The following KRT9 variants were observed in gnomAD, a reference collection of about 807,000 sequenced individuals.
KRT9 encodes the protein keratin 9.
In KRT9, 34 loss-of-function variants were observed where a neutral mutation model predicts 51.4. The observed-to-expected ratio is 0.66, with a 90% CI of 0.50 to 0.88. KRT9 has a LOEUF of 0.88. Among genes scored for constraint, KRT9 ranks in the 40% least tolerant of loss-of-function variants. The pLI is 0.00. For synonymous variants in KRT9, 292 were observed against 289.7 expected (o/e 1.01, Z -0.08); for missense variants, 753 against 790.3 (o/e 0.95, Z 0.57).
Position 41,567,530 on chromosome 17 carries a change from C to T in KRT9, c.1615G>A (p.Gly539Arg). The change falls in exon 7 of 8, where the codon GGA becomes AGA. Residue 539 changes from glycine to arginine, a missense_variant. Physicochemically the swap from Gly to Arg is moderately radical, Grantham distance 125. Transcript: ENST00000246662. ...GSGGGYGGGS[G>R]GGHSGGSGGG... ...CCACTTCCTCCGCTATGGCCACCTC[C>T]ACTTCCTCCACCATAGCCACCTCCA... is the stretch of plus-strand genomic sequence containing the variant. 2 of 1,551,472 alleles carry T rather than the reference C, an allele frequency of 1.3e-6. No individual in the cohort carries two copies. Among genetic ancestry groups the T allele is most frequent in the South Asian group, 1.2e-5 (1 of 84,060 alleles).
At chr17:41,568,658 C>G in intron 4 of KRT9, 25 bp from the exon 5 acceptor site, 1 of 1,614,090 alleles carries the variant, frequency 6.2e-7, no homozygotes, top group East Asian at 2.2e-5. Flanking sequence ...GCTCAGTAAG[C>G]ATCAGGCTGT....
intron 5 of KRT9, 23 bp downstream of exon 5, chr17:41,568,485 G>C: frequency 6.2e-7 from 1 of 1,614,128 alleles, no homozygotes; most frequent in South Asian, 1.1e-5. Context: ...CCTTGGCAAA[G>C]GGTCTATAGC....
Position 41,570,153 on chromosome 17 carries a change from T to C in KRT9, c.710A>G (p.Asp237Gly), listed in dbSNP as rs765357878. ...LDIDNTRMTLDDFRIKFEMEQ... is the reference protein window; with the variant it reads ...LDIDNTRMTLGDFRIKFEMEQ... ...CAGGACTCACTTTATCCTGAAGTCATCCAGTGTCATGCGAGTGTTGTCAAT... is the reference window on the plus strand; with the variant it reads ...CAGGACTCACTTTATCCTGAAGTCACCCAGTGTCATGCGAGTGTTGTCAAT... Residue 237 changes from aspartate (D) to glycine (G), a missense_variant, in exon 2 of 8, where the codon GAT (aspartate) becomes GGT (glycine). This residue lies in a region of KRT9 where 507 missense variants were observed against 563.7 expected (regional missense o/e 0.90). Coordinates refer to ENST00000246662, the MANE Select transcript of KRT9 (RefSeq NM_000226.4). 1.2e-6 allele frequency: 2 copies of C among 1,614,092 alleles called. No individual in the cohort carries two copies. Among genetic ancestry groups the C allele is most frequent in the Non-Finnish European group, 8.5e-7 (1 of 1,179,974 alleles).
In KRT9 at chr17:41,567,275, A is replaced by G; in HGVS notation, c.1870T>C (p.Ter624GlnextTer20). ...TCACCAGATTTTGAGGAAGAAGACT[A>G]GGAATGGGATGATTTTCCGCTTCCT... ...GGGSGKSSHS* is the reference protein window; with the variant it reads ...GGGSGKSSHSQ Residue 624 changes from the stop codon to glutamine, a stop_lost, in exon 7 of 8, where the codon TAG becomes CAG. Coordinates refer to ENST00000246662, the MANE Select transcript of KRT9 (RefSeq NM_000226.4). 2 of 1,614,022 alleles carry G rather than the reference A, an allele frequency of 1.2e-6. No homozygotes were observed. The highest frequency in any genetic ancestry group is 8.5e-7 in the Non-Finnish European group (1 of 1,180,034).
At chr17:41,569,386 T>C (rs377479670) in intron 4 of KRT9, 40 bp downstream of exon 4, 1 of 1,596,584 alleles carries the variant, frequency 6.3e-7, no homozygotes, top group South Asian at 1.1e-5. Context: ...TAGGAATAGA[T>C]GGAGGGGAGG....
Position 41,571,640 on chromosome 17 carries a change from C to G in KRT9, c.353G>C (p.Gly118Ala), listed in dbSNP as rs1434499651. 1 of 1,605,432 alleles carries G rather than the reference C, an allele frequency of 6.2e-7. No homozygotes were observed. Among genetic ancestry groups the G allele is most frequent in the African/African-American group, 1.3e-5 (1 of 74,444 alleles). The change falls in exon 1 of 8, where the codon GGT becomes GCT. Residue 118 changes from glycine to alanine, a missense_variant. Coordinates refer to ENST00000246662, the MANE Select transcript of KRT9 (RefSeq NM_000226.4). Reference sequence around the variant, plus strand: ...GCCACCACCAAAGCCACCTCCAGAACCACCACCAAAGCCACCTCCAAAACC... The same window carrying G: ...GCCACCACCAAAGCCACCTCCAGAAGCACCACCAAAGCCACCTCCAAAACC... Reference protein sequence around the residue: ...SGGFGGGFGGGSGGGFGGGYG... With the variant: ...SGGFGGGFGGASGGGFGGGYG...
chr17:41,567,345 G>T lies in KRT9; in HGVS notation c.1800C>A (p.Tyr600Ter). Reference sequence around the variant, plus strand: ...TTCCACTCGCTTCTTCACCGCCTCCGTAGCTGCCTCCACTTTCACCTCCAA... The same window carrying T: ...TTCCACTCGCTTCTTCACCGCCTCCTTAGCTGCCTCCACTTTCACCTCCAA... ...SGFGGESGGS[Y>*]GGGEEASGSG... The change falls in exon 7 of 8, where the codon TAC becomes TAA. Residue 600 changes from tyrosine to a stop codon, truncating the protein, a stop_gained. Coordinates refer to ENST00000246662, the MANE Select transcript of KRT9 (RefSeq NM_000226.4). LOFTEE classifies it low-confidence loss of function (END_TRUNC). The T allele has an allele frequency of 1.2e-6, 2 of 1,613,626 alleles. No homozygotes were observed. The highest frequency in any genetic ancestry group is 1.1e-5 in the South Asian group (1 of 91,034).
intron 4 of KRT9, 122 bp from the exon 5 acceptor site, chr17:41,568,755 T>C: frequency 7.7e-7 from 1 of 1,293,054 alleles, no homozygotes; most frequent in Non-Finnish European, 1.1e-6. Context: ...CAATGACAAG[T>C]CATTCTGAGT....
Position 41,567,580 on chromosome 17 carries a change from C to T in KRT9, c.1565G>A (p.Gly522Glu). The T allele has an allele frequency of 2.6e-6, 4 of 1,555,950 alleles. No homozygotes were observed. The highest frequency in any genetic ancestry group is 3.5e-6 in the Non-Finnish European group (4 of 1,149,790). ...ACTACCTCCTCCAGAACCACTTCCTCCACCGTAGCTGCCTCCACTTCCTCC... is the reference window on the plus strand; with the variant it reads ...ACTACCTCCTCCAGAACCACTTCCTTCACCGTAGCTGCCTCCACTTCCTCC... The part of the protein sequence containing the change: ...SRGGSGGSYG[G>E]GSGSGGGSGG... Residue 522 changes from glycine to glutamate, a missense_variant, in exon 7 of 8, where the codon GGA becomes GAA. By Grantham distance (98) the Gly-to-Glu change is moderately conservative. This residue lies in a region of KRT9 where 507 missense variants were observed against 563.7 expected (regional missense o/e 0.90). Coordinates refer to ENST00000246662, the MANE Select transcript of KRT9 (RefSeq NM_000226.4).
rs1031830836 is a variant in KRT9, at chr17:41,568,553, GT to G, written c.1124del (p.His375ProfsTer37). ...GCTCAATCTCCAACTCCTGGACACCGTGCCGGAGCTGGGTCACCTCCTTGGC... is the reference window on the plus strand; with the variant it reads ...GCTCAATCTCCAACTCCTGGACACCGGCCGGAGCTGGGTCACCTCCTTGGC... ...SSAKEVTQLR[H>X]GVQELEIELQ... On this transcript the variant is annotated frameshift_variant, in exon 5 of 8. Transcript: ENST00000246662. LOFTEE classifies it high-confidence loss of function. The G allele has an allele frequency of 1.2e-6, 2 of 1,614,042 alleles. No homozygotes were observed. Among genetic ancestry groups the G allele is most frequent in the African/African-American group, 2.7e-5 (2 of 74,904 alleles).
chr17:41,568,664 G>T lies in KRT9; in HGVS notation c.1045-31C>A, dbSNP rs372730362. 2.5e-6 allele frequency: 4 copies of T among 1,613,834 alleles called. No homozygotes were observed. In the African/African-American group the frequency reaches 5.3e-5, roughly 22 times the overall value. Reference sequence around the variant, plus strand: ...AAACCAAAGGCTCAGTAAGCATCAGGCTGTGCCAGGAGCTTCAGTGAGTGA... The same window carrying T: ...AAACCAAAGGCTCAGTAAGCATCAGTCTGTGCCAGGAGCTTCAGTGAGTGA... On this transcript the variant is annotated intron_variant, in intron 4 of 7. Transcript: ENST00000246662.
chr17:41,571,977 A>G lies in KRT9; in HGVS notation c.16T>C (p.Phe6Leu), dbSNP rs200697505. 9.5e-6 allele frequency: 15 copies of G among 1,583,888 alleles called. No homozygotes were observed. The African/African-American group carries it at 1.7e-4, about 18-fold the overall frequency. Reference sequence around the variant, plus strand: ...CTGCGGCTCAAGTAGGACGAGGAGAACTGTCTGCAGCTCATGACACAGCTG... The same window carrying G: ...CTGCGGCTCAAGTAGGACGAGGAGAGCTGTCTGCAGCTCATGACACAGCTG... MSCRQ[F>L]SSSYLSRSGG... Residue 6 changes from phenylalanine (F) to leucine (L), a missense_variant, in exon 1 of 8, where the codon TTC becomes CTC. Coordinates refer to ENST00000246662, the MANE Select transcript of KRT9 (RefSeq NM_000226.4).
Position 41,571,976 on chromosome 17 carries a change from A to G in KRT9, c.17T>C (p.Phe6Ser). ...GCTGCGGCTCAAGTAGGACGAGGAG[A>G]ACTGTCTGCAGCTCATGACACAGCT... is the stretch of plus-strand genomic sequence containing the variant. The part of the protein sequence containing the change: MSCRQ[F>S]SSSYLSRSGG... The change falls in exon 1 of 8, where the codon TTC (phenylalanine) becomes TCC (serine). Residue 6 changes from phenylalanine (F) to serine (S), a missense_variant. Physicochemically the swap from Phe to Ser is radical, Grantham distance 155. Coordinates refer to ENST00000246662, the MANE Select transcript of KRT9 (RefSeq NM_000226.4). The G allele has an allele frequency of 6.3e-7, 1 of 1,583,562 alleles. No individual in the cohort carries two copies. Among genetic ancestry groups the G allele is most frequent in the Non-Finnish European group, 8.6e-7 (1 of 1,166,808 alleles).
chr17:41,567,332 C>T lies in KRT9; in HGVS notation c.1813G>A (p.Glu605Lys), dbSNP rs1297066949. ...TAGCCGCCACCACTTCCACTCGCTTCTTCACCGCCTCCGTAGCTGCCTCCA... is the reference window on the plus strand; with the variant it reads ...TAGCCGCCACCACTTCCACTCGCTTTTTCACCGCCTCCGTAGCTGCCTCCA... ...ESGGSYGGGE[E>K]ASGSGGGYGG... The change falls in exon 7 of 8, where the codon GAA (glutamate) becomes AAA (lysine). Residue 605 changes from glutamate to lysine, a missense_variant. Around this residue, in one of 3 missense-constraint regions of KRT9, gnomAD observed 507 missense variants for 563.7 expected, o/e 0.90. Transcript: ENST00000246662. 2 of 1,613,992 alleles carry T rather than the reference C, an allele frequency of 1.2e-6. No individual in the cohort carries two copies. The highest frequency in any genetic ancestry group is 1.7e-6 in the Non-Finnish European group (2 of 1,180,010).
At chr17:41,569,642 T>C in intron 3 of KRT9, 55 bp from the exon 4 acceptor site, 1 of 1,603,414 alleles carries the variant, frequency 6.2e-7, no homozygotes, top group Non-Finnish European at 8.5e-7. Flanking sequence ...GCACCACCTT[T>C]CAGAATTCTC....
intron 1 of KRT9, 44 bp from the exon 2 acceptor site, chr17:41,570,264 C>T: frequency 4.5e-6 from 7 of 1,543,062 alleles, no homozygotes; most frequent in Non-Finnish European, 6.3e-6. Context: ...CTGTGGACCA[C>T]TGCTGAGAGG....
In KRT9 at chr17:41,567,492, A is replaced by G. The variant is rs543250072; in HGVS notation, c.1653T>C (p.Ser551=). ...CTCCATAGTTGCCCCCACTTCCTCC[A>G]CTATGACCACCTCCACTTCCTCCGC... ...GHSGGSGGGH[S]GGSGGNYGGG... is the part of the protein sequence containing the mutation. Residue 551 remains serine, a synonymous_variant, in exon 7 of 8, where the codon AGT becomes AGC. Coordinates refer to ENST00000246662, the MANE Select transcript of KRT9 (RefSeq NM_000226.4). The G allele has an allele frequency of 3.2e-6, 5 of 1,547,248 alleles. No individual in the cohort carries two copies. Among genetic ancestry groups the G allele is most frequent in the East Asian group, 2.5e-5 (1 of 40,750 alleles).
intron 4 of KRT9, 86 bp downstream of exon 4, chr17:41,569,340 G>A (rs1906989696): frequency 7.7e-7 from 1 of 1,305,576 alleles, no homozygotes; most frequent in African/African-American, 1.5e-5. Flanking sequence ...TGCAGAGATA[G>A]GAGGATGAAG....
Position 41,571,615 on chromosome 17 carries a change from G to GCCACCACCAAAGCCACCTCCAGAA in KRT9, c.354_377dup (p.Ser119_Gly126dup). The GCCACCACCAAAGCCACCTCCAGAA allele has an allele frequency of 1.9e-6, 3 of 1,604,716 alleles. No homozygotes were observed. Among genetic ancestry groups the GCCACCACCAAAGCCACCTCCAGAA allele is most frequent in the Admixed American group, 3.4e-5 (2 of 58,484 alleles). On this transcript the variant is annotated inframe_insertion, in exon 1 of 8. Coordinates refer to ENST00000246662, the MANE Select transcript of KRT9 (RefSeq NM_000226.4). ...CAAACCCCCCAAACCCACTCCCATA[G>GCCACCACCAAAGCCACCTCCAGAA]CCACCACCAAAGCCACCTCCAGAAC...
Sources: allele counts gnomAD v4.1 joint callset, GRCh38; gene constraint gnomAD v4.1.1; regional missense constraint gnomAD v4.1.1; transcripts MANE v1.5; gene names NCBI Gene and HGNC (gene_info 2026-07-23, HGNC 2026-07-21).